Variants in DNAH6 observed in about 807,000 individuals in gnomAD.
DNAH6 encodes dynein axonemal heavy chain 6, also known as axonemal beta dynein heavy chain 6.
A neutral mutation model predicts 491.4 loss-of-function variants in DNAH6; 340 were observed. The observed-to-expected ratio is 0.69, with a 90% CI of 0.63 to 0.76. The LOEUF is 0.76. Among genes scored for constraint, DNAH6 ranks in the 30% least tolerant of loss-of-function variants. DNAH6 has a pLI of 0.00. For synonymous variants in DNAH6, 1,603 were observed against 1,686.1 expected (o/e 0.95, Z 1.21); for missense variants, 4,443 against 4,972.2 (o/e 0.89, Z 3.20).
chr2:84,741,989 C>T (rs1672567845), intron 62 of DNAH6, among the ~76,000 whole-genome samples: 1 of 152,238 alleles, frequency 6.6e-6, no homozygotes, highest in Admixed American at 6.5e-5. Flanking sequence ...CAGTTCCTGG[C>T]TGCGCAAGCT....
intron 62 of DNAH6, among the ~76,000 whole-genome samples, chr2:84,734,981 C>G (rs1317239308): frequency 6.6e-6 from 1 of 152,078 alleles, no homozygotes; most frequent in African/African-American, 2.4e-5. Flanking sequence ...GTTTGGGCTT[C>G]TAATGATCTC....
chr2:84,575,174 C>G (rs892837134), intron 12 of DNAH6, among the ~76,000 whole-genome samples: 4 of 152,140 alleles, frequency 2.6e-5, no homozygotes, highest in Admixed American at 2.0e-4. Context: ...GGATATCAAC[C>G]TTACCTGTTA....
rs1251325820 is a variant in DNAH6, at chr2:84,641,997, G to A, written c.5021G>A (p.Arg1674Lys). ...PDLNEDVVLI[R>K]ALQDSNLPKF... ...CTAAATGAAGATGTGGTGTTGATAA[G>A]AGCTTTACAAGACTCCAATTTGCCA... The change falls in exon 33 of 77, where the codon AGA (arginine) becomes AAA (lysine). Residue 1674 changes from arginine to lysine, a missense_variant. Around this residue, in one of 3 missense-constraint regions of DNAH6, gnomAD observed 2,977 missense variants for 3,296.6 expected, o/e 0.90. Transcript: ENST00000389394. The A allele has an allele frequency of 1.3e-6, 2 of 1,550,882 alleles. No homozygotes were observed. The highest frequency in any genetic ancestry group is 1.7e-6 in the Non-Finnish European group (2 of 1,146,592).
chr2:84,726,617 C>T (rs1487083676), intron 60 of DNAH6, among the ~76,000 whole-genome samples: 2 of 152,096 alleles, frequency 1.3e-5, no homozygotes, highest in East Asian at 3.9e-4. Context: ...GGGAACATCA[C>T]ACTCCGGGAC....
At chr2:84,585,476 T>C (rs914532953) in intron 15 of DNAH6, among the ~76,000 whole-genome samples, 5 of 152,122 alleles carry the variant, frequency 3.3e-5, no homozygotes, top group African/African-American at 2.4e-5. Context: ...AAATCCGCAG[T>C]GGGTAGCTGC....
chr2:84,773,123 G>A (rs1185710179), intron 64 of DNAH6, among the ~76,000 whole-genome samples: 3 of 151,868 alleles, frequency 2.0e-5, no homozygotes, highest in South Asian at 2.1e-4. Context: ...TTCTTAACAC[G>A]TGCATATTGC....
intron 16 of DNAH6, among the ~76,000 whole-genome samples, chr2:84,593,456 A>G (rs944935574): frequency 6.6e-6 from 1 of 152,166 alleles, no homozygotes; most frequent in Admixed American, 6.5e-5. Context: ...ATTTTCTTGC[A>G]CCCTTCCTCT....
At chr2:84,651,096 C>T (rs1043756908) in intron 33 of DNAH6, among the ~76,000 whole-genome samples, 2 of 152,180 alleles carry the variant, frequency 1.3e-5, no homozygotes, top group Non-Finnish European at 1.5e-5. Context: ...AGAGTAGAAG[C>T]GCCTCATTAC....
At chr2:84,560,443 CTTTTTTTTTTCT>C in intron 11 of DNAH6, among the ~76,000 whole-genome samples, 1 of 147,772 alleles carries the variant, frequency 6.8e-6, no homozygotes, top group African/African-American at 2.5e-5. Context: ...AAATAGTTTT[CTTTTTTTTTTCT>C]TTTTTTTTTT....
chr2:84,813,792 C>A (rs1297298549), intron 74 of DNAH6, among the ~76,000 whole-genome samples, 179 bp from the exon 75 acceptor site: 1 of 152,122 alleles, frequency 6.6e-6, no homozygotes, highest in East Asian at 1.9e-4. Context: ...TACCTCCCAA[C>A]ATGACCCGCA....
intron 63 of DNAH6, among the ~76,000 whole-genome samples, chr2:84,756,919 A>G (rs1674083083): frequency 1.3e-5 from 2 of 152,224 alleles, no homozygotes; most frequent in Non-Finnish European, 2.9e-5. Flanking sequence ...TAATAGAGTC[A>G]CATATATCAT....
chr2:84,686,390 G>A, intron 43 of DNAH6, 94 bp from the exon 44 acceptor site: 1 of 725,788 alleles, frequency 1.4e-6, no homozygotes, highest in East Asian at 2.9e-5. Flanking sequence ...AGTCTTCTAA[G>A]TAAAATGCAG....
At chr2:84,564,257 A>C (rs1453652874) in intron 11 of DNAH6, among the ~76,000 whole-genome samples, 1 of 152,062 alleles carries the variant, frequency 6.6e-6, no homozygotes. Context: ...TTTGATAGGA[A>C]TTGCATTGAA....
chr2:84,793,592 G>T (rs999132883), intron 68 of DNAH6, among the ~76,000 whole-genome samples: 1 of 152,156 alleles, frequency 6.6e-6, no homozygotes, highest in African/African-American at 2.4e-5. Context: ...ATATTAGATG[G>T]ACCCACGACA....
the DNAH6 span, among the ~76,000 whole-genome samples, chr2:84,496,971 C>CTT: frequency 3.3e-5 from 4 of 122,024 alleles, no homozygotes; most frequent in African/African-American, 9.2e-5. Flanking sequence ...AATATGTACT[C>CTT]TTTTTTTTTT....
Position 84,544,429 on chromosome 2 carries a change from A to G in DNAH6, c.859A>G (p.Lys287Glu). ...RKWKAFSVWR[K>E]NVRSKKITGC... ...ATGGAAGGCTTTTAGTGTATGGAGG[A>G]AGAATGTCCGCTCCAAGAAAATCAC... The change falls in exon 5 of 77, where the codon AAG becomes GAG. Residue 287 changes from lysine to glutamate, a missense_variant. Physicochemically the swap from Lys to Glu is moderately conservative, Grantham distance 56 (BLOSUM62 1). Coordinates refer to ENST00000389394, the MANE Select transcript of DNAH6 (RefSeq NM_001370.2). The G allele has an allele frequency of 1.3e-6, 2 of 1,541,004 alleles. No individual in the cohort carries two copies. The highest frequency in any genetic ancestry group is 1.8e-6 in the Non-Finnish European group (2 of 1,137,492).
At chr2:84,731,855 A>G (rs533698859) in intron 61 of DNAH6, among the ~76,000 whole-genome samples, 29 of 152,348 alleles carry the variant, frequency 1.9e-4, no homozygotes, top group Admixed American at 3.3e-4. Context: ...CAACTCCTTC[A>G]AAGGGGCCCA....
the DNAH6 span, among the ~76,000 whole-genome samples, chr2:84,474,043 G>A: frequency 6.6e-6 from 1 of 152,066 alleles, no homozygotes; most frequent in Non-Finnish European, 1.5e-5. Flanking sequence ...TATTATTTAT[G>A]GCGGGAACAG....
the DNAH6 span, among the ~76,000 whole-genome samples, chr2:84,487,705 G>A: frequency 6.6e-6 from 1 of 152,208 alleles, no homozygotes. Flanking sequence ...AAGTCTGCCC[G>A]TAATGAAGCA....
Sources: allele counts gnomAD v4.1 joint callset (sites outside exome capture counted in the v4.1 genomes callset), GRCh38; gene constraint gnomAD v4.1.1; regional missense constraint gnomAD v4.1.1; transcripts MANE v1.5; gene names NCBI Gene and HGNC (gene_info 2026-07-23, HGNC 2026-07-21).